The following ETNPPL variants were observed in gnomAD, a reference collection of about 807,000 sequenced individuals.
The protein encoded by ETNPPL is alanine--glyoxylate aminotransferase 2-like 1.
ETNPPL carries 30 observed loss-of-function variants against 55.5 expected under a neutral mutation model. The observed-to-expected ratio is 0.54, with a 90% CI of 0.40 to 0.73. The LOEUF is 0.73. Among genes scored for constraint, ETNPPL ranks in the 30% least tolerant of loss-of-function variants. The pLI is 0.00. For synonymous variants in ETNPPL, 202 were observed against 207.2 expected, an observed-to-expected ratio of 0.98 and a Z score of 0.21; for missense variants, 528 against 607.9, an observed-to-expected ratio of 0.87 and a Z score of 1.38.
intron 2 of ETNPPL, 28 bp downstream of exon 2, chr4:108,760,160 C>T: frequency 6.9e-7 from 1 of 1,440,802 alleles, no homozygotes; most frequent in Non-Finnish European, 9.7e-7. Context: ...ACATTTCCTC[C>T]AAAGCACTGC....
chr4:108,743,739 T>C (rs80066704), intron 12 of ETNPPL, 50 bp downstream of exon 12: 111,898 of 1,305,000 alleles, frequency 0.086, 9,602 homozygotes, highest in East Asian at 0.5. Flanking sequence ...TTTTTAAACA[T>C]TCCCCAAATT....
At chr4:108,751,120 T>C (rs559568531) in intron 6 of ETNPPL, 102 bp from the exon 7 acceptor site, 8 of 696,108 alleles carry the variant, frequency 1.1e-5, no homozygotes, top group South Asian at 2.0e-5. Flanking sequence ...TGGCTAGGAA[T>C]AGACCTGTAG....
At chr4:108,762,758 G>C (rs1286435726) in intron 1 of ETNPPL, 85 bp downstream of exon 1, 10 of 1,490,424 alleles carry the variant, frequency 6.7e-6, no homozygotes, top group Middle Eastern at 1.7e-4. Context: ...CGCATCGTTT[G>C]TTCCCTAGCC....
At position 108,756,461 on chromosome 4, in the gene ETNPPL, C is replaced by G. The variant is rs1472249992; in HGVS notation, c.367G>C (p.Ala123Pro). Residue 123 changes from alanine (A) to proline (P), a missense_variant, in exon 4 of 13, where the codon GCT becomes CCT. Transcript: ENST00000296486. Reference protein sequence around the residue: ...SEANDLALRLARQFRGHQDVI... With the variant: ...SEANDLALRLPRQFRGHQDVI... ...TCCTGGTGGCCTCTGAACTGCCGAG[C>G]CAGGCGTAAGGCTAAGTCGTTGGCT... The G allele has an allele frequency of 1.2e-6, 2 of 1,613,880 alleles. No individual in the cohort carries two copies. Among genetic ancestry groups the G allele is most frequent in the Non-Finnish European group, 1.7e-6 (2 of 1,179,892 alleles).
intron 10 of ETNPPL, 70 bp downstream of exon 10, chr4:108,746,690 TCA>T: frequency 6.6e-7 from 1 of 1,521,824 alleles, no homozygotes; most frequent in Non-Finnish European, 9.1e-7. Context: ...TGGGAGGAAG[TCA>T]AGCAAGCTTT....
intron 5 of ETNPPL, among the ~76,000 whole-genome samples, chr4:108,753,797 AAAGAAAGAAAAGAG>A (rs1488028377): frequency 1.4e-3 from 170 of 122,950 alleles, no homozygotes; most frequent in African/African-American, 6.2e-3. Flanking sequence ...AGAAAGAAAG[AAAGAAAGAAAAGAG>A]AAGAAAAGAA....
At chr4:108,760,071 G>GC (rs1452706063) in intron 2 of ETNPPL, 117 bp downstream of exon 2, 1 of 1,029,894 alleles carries the variant, frequency 9.7e-7, no homozygotes, top group Non-Finnish European at 1.5e-6. Context: ...AGGACTACTG[G>GC]CCCACTCAGC....
At chr4:108,753,467 C>A (rs1163063324) in intron 5 of ETNPPL, among the ~76,000 whole-genome samples, 1 of 152,032 alleles carries the variant, frequency 6.6e-6, no homozygotes, top group East Asian at 1.9e-4. Flanking sequence ...TTTGGCCAGG[C>A]GCGGTGGCTC....
chr4:108,749,082 A>G (rs1728763458), intron 8 of ETNPPL, among the ~76,000 whole-genome samples, 156 bp downstream of exon 8: 1 of 152,148 alleles, frequency 6.6e-6, no homozygotes, highest in Non-Finnish European at 1.5e-5. Flanking sequence ...ATATGTAAGT[A>G]TTTAAGATGT....
At chr4:108,762,259 G>C in intron 1 of ETNPPL, 1 of 425,096 alleles carries the variant, frequency 2.4e-6, no homozygotes, top group Admixed American at 2.6e-5. Flanking sequence ...CAGCTTGGGA[G>C]AGCAAGTTGG....
At chr4:108,754,415 T>A (rs187090162) in intron 5 of ETNPPL, among the ~76,000 whole-genome samples, 6 of 152,364 alleles carry the variant, frequency 3.9e-5, no homozygotes, top group Admixed American at 3.9e-4. Context: ...TTGCCTATTG[T>A]AATACTCATC....
chr4:108,746,510 G>A lies in ETNPPL; in HGVS notation c.1192C>T (p.Leu398Phe). The change falls in exon 11 of 13, where the codon CTT (leucine) becomes TTT (phenylalanine). Residue 398 changes from leucine (L) to phenylalanine (F), a missense_variant. Leu to Phe is a conservative substitution (Grantham distance 22). Transcript: ENST00000296486. ...CTATGAGGTCCATCGGCACTGAGAA[G>A]CACTCGTTTTTCTTTCATCCTAATT... ...IIYKMKEKRVLLSADGPHRNV... is the reference protein window; with the variant it reads ...IIYKMKEKRVFLSADGPHRNV... 4 of 1,612,814 alleles carry A rather than the reference G, an allele frequency of 2.5e-6. No homozygotes were observed. Among genetic ancestry groups the A allele is most frequent in the Non-Finnish European group, 3.4e-6 (4 of 1,179,884 alleles).
chr4:108,751,367 T>C (rs1728905502), intron 6 of ETNPPL, among the ~76,000 whole-genome samples: 1 of 152,136 alleles, frequency 6.6e-6, no homozygotes, highest in African/African-American at 2.4e-5. Flanking sequence ...CTGTAAAAAG[T>C]TACCTAGGTC....
rs1381969796 is a variant in ETNPPL at position 108,742,386 on chromosome 4, C to T, written c.*98G>A. ...CATTTATGAATCTAAACTGACAATT[C>T]CACCTTTAGAGGTATAATAGAGCTA... On this transcript the variant is annotated 3_prime_UTR_variant, in exon 13 of 13. Coordinates refer to ENST00000296486, the MANE Select transcript of ETNPPL (RefSeq NM_031279.4). 3 of 1,232,626 alleles carry T rather than the reference C, an allele frequency of 2.4e-6. No homozygotes were observed. Among genetic ancestry groups the T allele is most frequent in the Non-Finnish European group, 2.3e-6 (2 of 863,000 alleles). 76.4% of individuals were successfully genotyped at this position (1,232,626 alleles called of 1,614,324 possible).
intron 4 of ETNPPL, among the ~76,000 whole-genome samples, chr4:108,755,282 T>A (rs1213694601): frequency 6.6e-6 from 1 of 152,116 alleles, no homozygotes; most frequent in Non-Finnish European, 1.5e-5. Context: ...ACTCCTGCCT[T>A]TTATCATATA....
intron 11 of ETNPPL, among the ~76,000 whole-genome samples, chr4:108,744,403 A>G (rs919961188): frequency 2.6e-5 from 4 of 152,136 alleles, no homozygotes; most frequent in African/African-American, 9.7e-5. Context: ...CTGGCCCACT[A>G]TTAATAACAC....
chr4:108,747,360 T>C (rs1728657379), intron 9 of ETNPPL, among the ~76,000 whole-genome samples: 1 of 148,314 alleles, frequency 6.7e-6, no homozygotes, highest in Non-Finnish European at 1.5e-5. Context: ...CTACATTAAG[T>C]TCCTTCTTTT....
chr4:108,744,520 G>GA (rs1728371280), intron 11 of ETNPPL, among the ~76,000 whole-genome samples: 1 of 151,958 alleles, frequency 6.6e-6, no homozygotes, highest in African/African-American at 2.4e-5. Context: ...ATCTGCTTGT[G>GA]AGGAATGCTT....
At position 108,763,049 on chromosome 4, in the gene ETNPPL, G is replaced by A. The variant is rs1485079932; in HGVS notation, c.-151C>T. ...GCCCGGGGCGTCGGAGGTCACCGGT[G>A]GCGTCAACTAGCTAGGATCATCTCC... On this transcript the variant is annotated 5_prime_UTR_variant, in exon 1 of 13. Transcript: ENST00000296486. 9.1e-6 allele frequency: 6 copies of A among 661,530 alleles called. No individual in the cohort carries two copies. Among genetic ancestry groups the A allele is most frequent in the Non-Finnish European group, 1.1e-5 (4 of 374,426 alleles). 41.0% of individuals were successfully genotyped at this position (661,530 alleles called of 1,614,324 possible). A position where few individuals can be genotyped will look rare whatever the true frequency, so the allele number is the denominator to read the frequency against.
Sources: gnomAD v4.1 joint callset for allele counts (sites outside exome capture counted in the v4.1 genomes callset) on GRCh38, gnomAD v4.1.1 for gene constraint, MANE v1.5 for transcripts, NCBI Gene and HGNC (gene_info 2026-07-23, HGNC 2026-07-21) for gene names.